Variants in PLPP1 observed in about 807,000 individuals in gnomAD.
PLPP1 encodes the protein phospholipid phosphatase 1, also known as lipid phosphate phosphohydrolase 1a.
Under a neutral mutation model 31.2 loss-of-function variants are expected in PLPP1, and 24 were observed. That is an observed-to-expected ratio of 0.77 (90% confidence interval 0.56 to 1.08). The LOEUF (loss-of-function observed/expected upper bound fraction) is 1.08, where lower values mean the gene tolerates loss of function less well. Ranked by LOEUF, PLPP1 falls within the 50% of genes least tolerant of loss-of-function variation. PLPP1 has a pLI of 0.00. For missense variants in PLPP1, 319 were observed against 342.7 expected (o/e 0.93, Z 0.55); for synonymous variants, 146 against 126.3 (o/e 1.16, Z -1.05).
intron 1 of PLPP1, among the ~76,000 whole-genome samples, chr5:55,531,389 T>G (rs193196935): frequency 2.0e-5 from 3 of 152,288 alleles, no homozygotes; most frequent in African/African-American, 7.2e-5. Context: ...AATGATCACT[T>G]CAACACACAT....
chr5:55,448,633 A>C (rs932636562), intron 3 of PLPP1, among the ~76,000 whole-genome samples: 8 of 151,978 alleles, frequency 5.3e-5, no homozygotes, highest in African/African-American at 1.9e-4. Flanking sequence ...TTTTTTGTAG[A>C]GATGGAGTTT....
chr5:55,430,008 G>A (rs1751308831), intron 4 of PLPP1, among the ~76,000 whole-genome samples: 2 of 152,014 alleles, frequency 1.3e-5, no homozygotes, highest in Non-Finnish European at 2.9e-5. Context: ...GCGTTGGAGG[G>A]TGCACCTATC....
chr5:55,475,849 T>C (rs1160802691), intron 1 of PLPP1, among the ~76,000 whole-genome samples: 1 of 152,254 alleles, frequency 6.6e-6, no homozygotes, highest in Non-Finnish European at 1.5e-5. Context: ...CATTTTAGCA[T>C]TCCATATTTG....
chr5:55,477,240 C>A (rs1030068856), intron 1 of PLPP1, among the ~76,000 whole-genome samples: 1 of 152,168 alleles, frequency 6.6e-6, no homozygotes, highest in Non-Finnish European at 1.5e-5. Flanking sequence ...CACTTATCAG[C>A]ACACACTGTG....
intron 1 of PLPP1, 37 bp downstream of exon 1, chr5:55,534,535 C>T: frequency 3.3e-6 from 5 of 1,519,724 alleles, no homozygotes; most frequent in Non-Finnish European, 4.4e-6. Flanking sequence ...CCCGGGACAG[C>T]CGCACACGCC....
At chr5:55,480,798 T>C (rs781468560) in intron 1 of PLPP1, among the ~76,000 whole-genome samples, 5 of 152,342 alleles carry the variant, frequency 3.3e-5, no homozygotes, top group Non-Finnish European at 7.4e-5. Context: ...AATGGGTAGA[T>C]ACCTACAAGT....
intron 1 of PLPP1, among the ~76,000 whole-genome samples, chr5:55,500,549 CTTA>C: frequency 6.6e-6 from 1 of 151,932 alleles, no homozygotes; most frequent in East Asian, 1.9e-4. Context: ...AGGGAGAAAA[CTTA>C]TTTTCTACTG....
At chr5:55,512,532 G>GA (rs547512653) in intron 1 of PLPP1, among the ~76,000 whole-genome samples, 104 of 7,208 alleles carry the variant, frequency 0.014, 10 homozygotes, top group African/African-American at 0.034. Flanking sequence ...AAGAAAGAAA[G>GA]AAAGAAAGAA....
chr5:55,480,079 G>C (rs1447952873), intron 1 of PLPP1, among the ~76,000 whole-genome samples: 2 of 152,100 alleles, frequency 1.3e-5, no homozygotes, highest in Admixed American at 1.3e-4. Context: ...ATAGATACTT[G>C]ATGTTAACTT....
chr5:55,512,288 T>A (rs931119447), intron 1 of PLPP1, among the ~76,000 whole-genome samples: 9 of 150,918 alleles, frequency 6.0e-5, no homozygotes, highest in African/African-American at 2.2e-4. Flanking sequence ...CTGACCAACA[T>A]GGTGAAATCC....
At chr5:55,434,312 A>G (rs940592649) in intron 4 of PLPP1, among the ~76,000 whole-genome samples, 1 of 152,136 alleles carries the variant, frequency 6.6e-6, no homozygotes, top group Non-Finnish European at 1.5e-5. Context: ...TATCCCACGC[A>G]TAAGGATCAG....
chr5:55,495,257 C>T (rs1331202238), intron 1 of PLPP1, among the ~76,000 whole-genome samples: 2 of 151,580 alleles, frequency 1.3e-5, no homozygotes, highest in African/African-American at 2.4e-5. Flanking sequence ...GAGAATAAAA[C>T]AGTTCTTACA....
chr5:55,477,055 A>AGAGCTG lies in PLPP1; in HGVS notation c.59-1606_59-1605insCAGCTC, dbSNP rs1752566177. Reference sequence around the variant, plus strand: ...CTTAAAAGAAAAAAAAAAAAATAATAAACTAGAGCTGACTTTGCTAACTGA... The same window carrying AGAGCTG: ...CTTAAAAGAAAAAAAAAAAAATAATAGAGCTGAACTAGAGCTGACTTTGCTAACTGA... On this transcript the variant is annotated intron_variant, in intron 1 of 5. Transcript: ENST00000307259. 5.3e-5 allele frequency among the ~76,000 whole-genome samples: 8 copies of AGAGCTG among 152,198 alleles called. No homozygotes were observed. The East Asian group carries it at 1.5e-3, about 29-fold the overall frequency.
chr5:55,438,068 T>TAGAAA (rs1561223191), intron 4 of PLPP1, among the ~76,000 whole-genome samples: 1 of 152,110 alleles, frequency 6.6e-6, no homozygotes, highest in Non-Finnish European at 1.5e-5. Flanking sequence ...GAAGCATAGA[T>TAGAAA]ACAGGAATTT....
At chr5:55,513,267 C>CATTTTTTTTTT (rs1554041703) in intron 1 of PLPP1, among the ~76,000 whole-genome samples, 1 of 29,076 alleles carries the variant, frequency 3.4e-5, no homozygotes, top group Non-Finnish European at 9.4e-5. Context: ...TATAATGACT[C>CATTTTTTTTTT]CTTTTTTTTT....
At chr5:55,487,133 A>G (rs952786550) in intron 1 of PLPP1, among the ~76,000 whole-genome samples, 2 of 152,196 alleles carry the variant, frequency 1.3e-5, no homozygotes, top group African/African-American at 4.8e-5. Context: ...ACTCAAGTCG[A>G]TTTAAAATAG....
intron 1 of PLPP1, chr5:55,508,702 G>A (rs1753337854): frequency 6.5e-6 from 1 of 153,334 alleles, no homozygotes; most frequent in African/African-American, 2.4e-5. Context: ...GAGGAGCTGG[G>A]TTCTGCTTCA....
At chr5:55,512,060 C>T (rs1753426680) in intron 1 of PLPP1, among the ~76,000 whole-genome samples, 1 of 150,390 alleles carries the variant, frequency 6.6e-6, no homozygotes, top group African/African-American at 2.4e-5. Flanking sequence ...ATCTGGGAGG[C>T]GAAGGTTGCA....
intron 4 of PLPP1, among the ~76,000 whole-genome samples, chr5:55,438,307 G>A (rs963395520): frequency 3.3e-5 from 5 of 152,178 alleles, no homozygotes; most frequent in African/African-American, 7.2e-5. Flanking sequence ...CTGAGCTCCC[G>A]CAGGCCTGGG....
Sources: allele counts gnomAD v4.1 joint callset (sites outside exome capture counted in the v4.1 genomes callset), GRCh38; gene constraint gnomAD v4.1.1; transcripts MANE v1.5; gene names NCBI Gene and HGNC (gene_info 2026-07-23, HGNC 2026-07-21).